DLG2: variants seen among roughly 807,000 people sequenced by gnomAD.
The protein encoded by DLG2 is discs large MAGUK scaffold protein 2.
A neutral mutation model predicts 132.5 loss-of-function variants in DLG2; 45 were observed. That is an observed-to-expected ratio of 0.34 (90% CI 0.27 to 0.44). The LOEUF (loss-of-function observed/expected upper bound fraction) is 0.44, where lower values mean the gene tolerates loss of function less well. Ranked by LOEUF, DLG2 falls within the 20% of genes least tolerant of loss-of-function variation. DLG2 has a pLI of 1.00. For synonymous variants in DLG2, 424 were observed against 419.6 expected, an observed-to-expected ratio of 1.01 and a Z score of -0.13; for missense variants, 1,045 against 1,196.9, an observed-to-expected ratio of 0.87 and a Z score of 1.87.
intron 3 of DLG2, among the ~76,000 whole-genome samples, chr11:85,552,305 A>G (rs2076711145): frequency 6.6e-6 from 1 of 151,640 alleles, no homozygotes; most frequent in Admixed American, 6.6e-5. Context: ...AATACCCAAA[A>G]GAAATAAATG....
chr11:85,057,567 A>AATATTCCAATAT, intron 6 of DLG2, among the ~76,000 whole-genome samples: 1 of 151,694 alleles, frequency 6.6e-6, no homozygotes, highest in Admixed American at 6.6e-5. Context: ...TCAGAGGTGA[A>AATATTCCAATAT]TTATTCCAAA....
intron 6 of DLG2, among the ~76,000 whole-genome samples, chr11:84,908,992 G>C (rs1183704851): frequency 1.3e-5 from 2 of 151,712 alleles, no homozygotes; most frequent in African/African-American, 4.8e-5. Flanking sequence ...TTCAAACCTA[G>C]GGCTATAAGA....
intron 18 of DLG2, among the ~76,000 whole-genome samples, chr11:83,722,477 G>A (rs1202404158): frequency 6.6e-6 from 1 of 152,180 alleles, no homozygotes; most frequent in East Asian, 1.9e-4. Context: ...AGCAAAGGAA[G>A]TACTGATGGG....
chr11:84,315,716 T>G (rs1025521298), intron 7 of DLG2, among the ~76,000 whole-genome samples: 1 of 152,170 alleles, frequency 6.6e-6, no homozygotes, highest in Non-Finnish European at 1.5e-5. Flanking sequence ...TAAGCAAAGC[T>G]TATAATTCCA....
chr11:85,332,186 T>A (rs1437944999), intron 3 of DLG2, among the ~76,000 whole-genome samples: 2 of 152,220 alleles, frequency 1.3e-5, no homozygotes, highest in Non-Finnish European at 2.9e-5. Context: ...TATCTCATTG[T>A]AGTTTTGAAA....
intron 7 of DLG2, among the ~76,000 whole-genome samples, chr11:84,333,497 G>T (rs1033688953): frequency 4.6e-5 from 7 of 152,140 alleles, no homozygotes; most frequent in Non-Finnish European, 7.4e-5. Context: ...CTTTTCAAAA[G>T]CAATCTAAAG....
chr11:84,181,949 C>T (rs577412730), intron 8 of DLG2, among the ~76,000 whole-genome samples: 32 of 152,148 alleles, frequency 2.1e-4, no homozygotes, highest in Non-Finnish European at 4.4e-4. Context: ...GAACGCCCCT[C>T]TATCAAAAAT....
rs562433165 is a variant in DLG2, at chr11:84,919,725, G to T, written c.357+191936C>A. Reference sequence around the variant, plus strand: ...GCGATGAGGAAGATAAAGTTATTTAGAAAATTATCGTCAGTATCACTACCT... The same window carrying T: ...GCGATGAGGAAGATAAAGTTATTTATAAAATTATCGTCAGTATCACTACCT... On this transcript the variant is annotated intron_variant, in intron 6 of 27. Coordinates refer to ENST00000376104, the MANE Select transcript of DLG2 (RefSeq NM_001142699.3). 2.0e-5 allele frequency among the ~76,000 whole-genome samples: 3 copies of T among 152,262 alleles called. No homozygotes were observed. In the South Asian group the frequency reaches 6.2e-4, roughly 32 times the overall value.
At chr11:84,502,315 TTTC>T in intron 7 of DLG2, among the ~76,000 whole-genome samples, 9 of 6,922 alleles carry the variant, frequency 1.3e-3, no homozygotes, top group African/African-American at 3.1e-3. Context: ...TCTTTCTTTC[TTTC>T]TTTCTTTCTT....
intron 15 of DLG2, among the ~76,000 whole-genome samples, chr11:83,927,883 G>A (rs922424354): frequency 1.3e-5 from 2 of 152,024 alleles, no homozygotes; most frequent in Admixed American, 1.3e-4. Context: ...ACTTGAAGAT[G>A]AATTGAATGG....
chr11:84,839,572 CA>C (rs1229527719), intron 6 of DLG2, among the ~76,000 whole-genome samples: 6 of 152,286 alleles, frequency 3.9e-5, no homozygotes, highest in Non-Finnish European at 7.3e-5. Context: ...CTGGAGGCAT[CA>C]TGCAACCTGA....
chr11:85,119,280 T>A (rs745802439), intron 5 of DLG2, among the ~76,000 whole-genome samples: 6 of 152,022 alleles, frequency 3.9e-5, no homozygotes, highest in African/African-American at 1.4e-4. Flanking sequence ...CTTGAAATCA[T>A]TGGTTATAAA....
chr11:84,304,829 G>A (rs1174908049), intron 7 of DLG2, among the ~76,000 whole-genome samples: 10 of 152,114 alleles, frequency 6.6e-5, no homozygotes, highest in African/African-American at 1.9e-4. Flanking sequence ...GGTGACTCCT[G>A]GACTAGTTGG....
intron 20 of DLG2, among the ~76,000 whole-genome samples, chr11:83,536,783 C>G (rs143400529): frequency 2.4e-4 from 37 of 152,206 alleles, no homozygotes; most frequent in African/African-American, 8.4e-4. Flanking sequence ...TAGTTCTTTA[C>G]CTAATTGTGA....
intron 18 of DLG2, among the ~76,000 whole-genome samples, chr11:83,695,855 G>T (rs1366215806): frequency 6.6e-6 from 1 of 152,128 alleles, no homozygotes; most frequent in African/African-American, 2.4e-5. Context: ...GAGCACAGGA[G>T]GAATTGGGAC....
intron 8 of DLG2, among the ~76,000 whole-genome samples, chr11:84,171,040 C>T (rs531258450): frequency 3.3e-5 from 5 of 152,200 alleles, no homozygotes; most frequent in Admixed American, 6.5e-5. Flanking sequence ...TATCACTTTC[C>T]GTCTTGGCTC....
chr11:85,403,280 G>C (rs558498367), intron 3 of DLG2, among the ~76,000 whole-genome samples: 1 of 152,118 alleles, frequency 6.6e-6, no homozygotes, highest in South Asian at 2.1e-4. Flanking sequence ...CTCATAGGTG[G>C]AGTTGAACAA....
chr11:85,338,554 G>T (rs774616771), intron 3 of DLG2, among the ~76,000 whole-genome samples: 6 of 151,500 alleles, frequency 4.0e-5, no homozygotes, highest in Non-Finnish European at 5.9e-5. Context: ...GTGTGTGAAG[G>T]GTATCTGAAA....
At chr11:85,560,563 G>A (rs1283138597) in intron 3 of DLG2, among the ~76,000 whole-genome samples, 1 of 151,846 alleles carries the variant, frequency 6.6e-6, no homozygotes, top group African/African-American at 2.4e-5. Flanking sequence ...TAAATCAGTT[G>A]TGGGCTGGGG....
Sources: allele counts gnomAD v4.1 joint callset (sites outside exome capture counted in the v4.1 genomes callset), GRCh38; gene constraint gnomAD v4.1.1; transcripts MANE v1.5; gene names NCBI Gene and HGNC (gene_info 2026-07-23, HGNC 2026-07-21).